SLC7A8: variants seen among roughly 807,000 people sequenced by gnomAD.
SLC7A8 encodes solute carrier family 7 member 8.
In SLC7A8, 30 loss-of-function variants were observed where a neutral mutation model predicts 51.2. The ratio of observed to expected loss-of-function variants is 0.59; its 90% CI spans 0.44 to 0.80. The LOEUF is 0.80. Among genes scored for constraint, SLC7A8 ranks in the 30% least tolerant of loss-of-function variants. SLC7A8 has a pLI of 0.00. For missense variants in SLC7A8, 612 were observed against 674.4 expected (o/e 0.91, Z 1.03); for synonymous variants, 257 against 275.8 (o/e 0.93, Z 0.67).
At chr14:23,167,442 T>A (rs555477124) in intron 1 of SLC7A8, among the ~76,000 whole-genome samples, 2 of 152,174 alleles carry the variant, frequency 1.3e-5, no homozygotes, top group East Asian at 3.9e-4. Context: ...TAGAAGTCAG[T>A]CTCCTGATAC....
intron 3 of SLC7A8, among the ~76,000 whole-genome samples, chr14:23,158,459 C>A (rs1302763157): frequency 6.6e-6 from 1 of 152,164 alleles, no homozygotes; most frequent in African/African-American, 2.4e-5. Context: ...GATTCTCCTA[C>A]CTCAGCCTCC....
chr14:23,172,065 A>C (rs1272727464), intron 1 of SLC7A8, among the ~76,000 whole-genome samples: 1 of 152,220 alleles, frequency 6.6e-6, no homozygotes, highest in African/African-American at 2.4e-5. Flanking sequence ...CAGTCTCTTC[A>C]TCTGCAGAAT....
chr14:23,182,265 G>A (rs1172552116), intron 1 of SLC7A8, among the ~76,000 whole-genome samples: 1 of 152,156 alleles, frequency 6.6e-6, no homozygotes, highest in African/African-American at 2.4e-5. Context: ...GGTGGAAAAC[G>A]CTAAAATAAA....
chr14:23,154,998 C>CAAAAAAAAAAAAAAAAAAAAAAA (rs33973055), intron 3 of SLC7A8, among the ~76,000 whole-genome samples: 1 of 89,438 alleles, frequency 1.1e-5, no homozygotes. Flanking sequence ...ACACAACAGA[C>CAAAAAAAAAAAAAAAAAAAAAAA]AAAAAAAAAA....
intron 3 of SLC7A8, among the ~76,000 whole-genome samples, chr14:23,159,421 T>C (rs942857203): frequency 5.3e-5 from 8 of 152,252 alleles, no homozygotes; most frequent in Non-Finnish European, 8.8e-5. Flanking sequence ...GAATCAAATG[T>C]AGGCCAGTCT....
Position 23,128,482 on chromosome 14 carries a change from C to G in SLC7A8, c.1264-286G>C. ...CGCTCTTGGGTGTGGTTAGACAAGG[C>G]CTCATCATGCATGCCATGTGCCCGT... is the stretch of plus-strand genomic sequence containing the variant. On this transcript the variant is annotated intron_variant, in intron 9 of 10. Coordinates refer to ENST00000316902, the MANE Select transcript of SLC7A8 (RefSeq NM_012244.4). The surrounding 1 kb of genome is among the most constrained non-coding windows in gnomAD (Gnocchi z 4.3). 1.1e-6 allele frequency: 1 copy of G among 902,918 alleles called. No homozygotes were observed. Among genetic ancestry groups the G allele is most frequent in the Non-Finnish European group, 1.6e-6 (1 of 614,944 alleles). 55.9% of individuals were successfully genotyped at this position (902,918 alleles called of 1,614,324 possible). A position where few individuals can be genotyped will look rare whatever the true frequency, so the allele number is the denominator to read the frequency against.
intron 4 of SLC7A8, among the ~76,000 whole-genome samples, chr14:23,142,470 G>A (rs1182049042): frequency 3.9e-5 from 6 of 152,198 alleles, no homozygotes; most frequent in African/African-American, 1.4e-4. Context: ...GGGGCAAAAA[G>A]ACAATAGGAA....
intron 3 of SLC7A8, among the ~76,000 whole-genome samples, chr14:23,163,845 T>A (rs2048936110): frequency 6.6e-6 from 1 of 152,214 alleles, no homozygotes. Context: ...GAGATAAAGC[T>A]TTGAGACTTC....
Position 23,125,752 on chromosome 14 carries a change from A to G in SLC7A8, c.*1425T>C, listed in dbSNP as rs1272943582. The G allele has an allele frequency of 9.2e-5, 14 of 152,610 alleles. No homozygotes were observed. The highest frequency in any genetic ancestry group is 1.5e-5 in the Non-Finnish European group (1 of 68,110). 9.5% of individuals were successfully genotyped at this position (152,610 alleles called of 1,614,324 possible). A position where few individuals can be genotyped will look rare whatever the true frequency, so the allele number is the denominator to read the frequency against. On this transcript the variant is annotated 3_prime_UTR_variant, in exon 11 of 11. Coordinates refer to ENST00000316902, the MANE Select transcript of SLC7A8 (RefSeq NM_012244.4). The stretch of plus-strand genomic sequence containing the variant: ...AAGCAGACAGAATTCGGGGTGGGGG[A>G]GAGAATCCCGATTTGTGATAAAAGG...
chr14:23,166,399 AC>A lies in SLC7A8; in HGVS notation c.292del (p.Val98SerfsTer24). Reference protein sequence around the residue: ...VGALCYAELGVTIPKSGGDYS... With the variant: ...VGALCYAELGXTIPKSGGDYS... Reference sequence around the variant, plus strand: ...GTCACCTCCAGATTTGGGGATGGTGACCCCGAGTTCAGCATAGCAGAGGGCT... The same window carrying A: ...GTCACCTCCAGATTTGGGGATGGTGACCCGAGTTCAGCATAGCAGAGGGCT... On this transcript the variant is annotated frameshift_variant, in exon 2 of 11. Coordinates refer to ENST00000316902, the MANE Select transcript of SLC7A8 (RefSeq NM_012244.4). LOFTEE classifies it high-confidence loss of function. 2 of 1,613,884 alleles carry A rather than the reference AC, an allele frequency of 1.2e-6. No individual in the cohort carries two copies. The highest frequency in any genetic ancestry group is 1.7e-6 in the Non-Finnish European group (2 of 1,179,994).
chr14:23,145,546 A>AT (rs34346623), intron 3 of SLC7A8, among the ~76,000 whole-genome samples: 7 of 18,492 alleles, frequency 3.8e-4, no homozygotes, highest in Non-Finnish European at 7.4e-4. Flanking sequence ...AGAAAAAAAA[A>AT]TTTTTTTTTT....
chr14:23,155,052 G>C (rs2048881415), intron 3 of SLC7A8: 1 of 564,530 alleles, frequency 1.8e-6, no homozygotes. Flanking sequence ...ACTGCGCTTT[G>C]ATCCCAGCTT....
chr14:23,142,209 CCTGA>C (rs934288638), intron 4 of SLC7A8, among the ~76,000 whole-genome samples: 3 of 152,200 alleles, frequency 2.0e-5, no homozygotes, highest in African/African-American at 7.2e-5. Context: ...CTGTTTGTCA[CCTGA>C]CTTTCTCCGT....
chr14:23,177,991 A>T (rs1253386648), intron 1 of SLC7A8, among the ~76,000 whole-genome samples: 1 of 152,230 alleles, frequency 6.6e-6, no homozygotes, highest in African/African-American at 2.4e-5. Context: ...TACAAGCTTG[A>T]TTCAGGATGC....
At chr14:23,131,686 C>T in intron 7 of SLC7A8, 129 bp from the exon 8 acceptor site, 1 of 607,972 alleles carries the variant, frequency 1.6e-6, no homozygotes, top group South Asian at 2.3e-5. Flanking sequence ...CCTTCACATG[C>T]ATACTTTCCA....
Position 23,125,551 on chromosome 14 carries a change from TAAG to T in SLC7A8, c.*1623_*1625del, listed in dbSNP as rs941889243. On this transcript the variant is annotated 3_prime_UTR_variant, in exon 11 of 11. Coordinates refer to ENST00000316902, the MANE Select transcript of SLC7A8 (RefSeq NM_012244.4). ...GTTGGAGGAATGAGAAAAGAGGGAA[TAAG>T]AAGATGGTCCCCTGACCCTCCAGGG... 7.9e-5 allele frequency: 12 copies of T among 152,374 alleles called. No individual in the cohort carries two copies. The highest frequency in any genetic ancestry group is 1.5e-4 in the Non-Finnish European group (10 of 68,002). 9.4% of individuals were successfully genotyped at this position (152,374 alleles called of 1,614,324 possible). A position where few individuals can be genotyped will look rare whatever the true frequency, so the allele number is the denominator to read the frequency against.
intron 3 of SLC7A8, among the ~76,000 whole-genome samples, chr14:23,153,036 C>T (rs1317748692): frequency 6.6e-6 from 1 of 152,186 alleles, no homozygotes; most frequent in African/African-American, 2.4e-5. Flanking sequence ...TTGAAGCCTG[C>T]GCCCTACCAC....
intron 3 of SLC7A8, among the ~76,000 whole-genome samples, chr14:23,162,264 G>T (rs1372562597): frequency 6.6e-6 from 1 of 152,132 alleles, no homozygotes; most frequent in Non-Finnish European, 1.5e-5. Context: ...TAGGAGGAAA[G>T]GGACACTGCA....
intron 1 of SLC7A8, among the ~76,000 whole-genome samples, chr14:23,172,499 G>C (rs1294752380): frequency 6.6e-6 from 1 of 152,226 alleles, no homozygotes; most frequent in Admixed American, 6.5e-5. Flanking sequence ...CTGAAAGACA[G>C]GCATCGTAGC....
Sources: gnomAD v4.1 joint callset for allele counts (sites outside exome capture counted in the v4.1 genomes callset) on GRCh38, gnomAD v4.1.1 for gene constraint, Gnocchi (gnomAD v3.1) non-coding constraint, MANE v1.5 for transcripts, NCBI Gene and HGNC (gene_info 2026-07-23, HGNC 2026-07-21) for gene names.